The following ULK4 variants were observed in gnomAD, a reference collection of about 807,000 sequenced individuals.
The protein encoded by ULK4 is unc-51 like kinase 4, also known as inactive serine/threonine-protein kinase ULK4.
In ULK4, 133 loss-of-function variants were observed where a neutral mutation model predicts 160.6. That is an observed-to-expected ratio of 0.83 (90% confidence interval 0.72 to 0.96). The LOEUF is 0.96. ULK4 is among the 40% of genes least tolerant of loss of function. The pLI, the probability that ULK4 is intolerant of heterozygous loss-of-function variation, is 0.00. For synonymous variants in ULK4, 534 were observed against 539.8 expected (o/e 0.99, Z 0.15); for missense variants, 1,580 against 1,499.5 (o/e 1.05, Z -0.89).
At chr3:41,827,398 A>T (rs1226525055) in intron 18 of ULK4, among the ~76,000 whole-genome samples, 1 of 152,082 alleles carries the variant, frequency 6.6e-6, no homozygotes, top group Non-Finnish European at 1.5e-5. Context: ...GATCAACAAA[A>T]TTGATAGACC....
intron 35 of ULK4, among the ~76,000 whole-genome samples, chr3:41,305,633 G>A (rs1026184402): frequency 1.2e-4 from 19 of 152,164 alleles, no homozygotes; most frequent in Admixed American, 9.2e-4. Context: ...GCCTCTGCCC[G>A]GCTGCCACCC....
intron 25 of ULK4, among the ~76,000 whole-genome samples, chr3:41,709,446 G>A (rs887085250): frequency 1.3e-5 from 2 of 152,168 alleles, no homozygotes; most frequent in African/African-American, 4.8e-5. Context: ...GAGTGCACTG[G>A]CATGATCTCG....
intron 17 of ULK4, chr3:41,859,303 C>G (rs745527734): frequency 1.2e-5 from 7 of 572,358 alleles, no homozygotes; most frequent in Non-Finnish European, 2.4e-5. Flanking sequence ...AAGGCATTCT[C>G]TCCTCGTGAC....
chr3:41,747,679 G>T (rs1333559382), intron 22 of ULK4, among the ~76,000 whole-genome samples: 1 of 151,904 alleles, frequency 6.6e-6, no homozygotes, highest in African/African-American at 2.4e-5. Flanking sequence ...GACACCATGT[G>T]GGGGGGCACC....
intron 32 of ULK4, among the ~76,000 whole-genome samples, chr3:41,514,253 G>C (rs751367365): frequency 6.6e-6 from 1 of 152,136 alleles, no homozygotes; most frequent in Admixed American, 6.5e-5. Flanking sequence ...AAAATAAACA[G>C]CCTTTTTGGG....
At chr3:41,433,448 C>A (rs1222898544) in intron 34 of ULK4, among the ~76,000 whole-genome samples, 1 of 152,166 alleles carries the variant, frequency 6.6e-6, no homozygotes, top group Non-Finnish European at 1.5e-5. Flanking sequence ...AATTCACAAC[C>A]TTTTACCTAG....
intron 35 of ULK4, among the ~76,000 whole-genome samples, chr3:41,287,470 A>G (rs943371304): frequency 1.3e-5 from 2 of 152,166 alleles, no homozygotes; most frequent in African/African-American, 4.8e-5. Context: ...GCTTATCTTC[A>G]TATTGATTTT....
intron 3 of ULK4, chr3:41,936,997 G>A (rs1445888626): frequency 4.1e-6 from 1 of 244,130 alleles, no homozygotes; most frequent in Non-Finnish European, 7.8e-6. Flanking sequence ...CTGCATGCCT[G>A]TACCAACTAT....
At chr3:41,913,014 AATC>A (rs1171345307) in intron 8 of ULK4, 115 bp from the exon 9 acceptor site, 1 of 786,524 alleles carries the variant, frequency 1.3e-6, no homozygotes, top group African/African-American at 1.7e-5. Flanking sequence ...GTACCTTTGA[AATC>A]ATTTTATATT....
At chr3:41,756,316 T>C (rs1258140389) in intron 21 of ULK4, among the ~76,000 whole-genome samples, 1 of 152,202 alleles carries the variant, frequency 6.6e-6, no homozygotes, top group Non-Finnish European at 1.5e-5. Flanking sequence ...ATTCCATCTA[T>C]TCTACAAATT....
At chr3:41,389,613 G>C (rs1029507702) in intron 35 of ULK4, among the ~76,000 whole-genome samples, 1 of 152,122 alleles carries the variant, frequency 6.6e-6, no homozygotes, top group East Asian at 1.9e-4. Context: ...GGCCTTTTCT[G>C]CATCTATTGA....
At chr3:41,698,396 C>T (rs900421308) in intron 27 of ULK4, among the ~76,000 whole-genome samples, 16 of 152,158 alleles carry the variant, frequency 1.1e-4, no homozygotes, top group African/African-American at 3.4e-4. Flanking sequence ...CAAGTAGCTG[C>T]GACTATAGGA....
At chr3:41,952,356 A>G (rs1390887083) in intron 2 of ULK4, among the ~76,000 whole-genome samples, 1 of 152,244 alleles carries the variant, frequency 6.6e-6, no homozygotes, top group Non-Finnish European at 1.5e-5. Context: ...ACTCAGCAAG[A>G]AAACAACCAA....
chr3:41,664,233 T>A (rs942493129), intron 29 of ULK4, among the ~76,000 whole-genome samples: 2 of 152,178 alleles, frequency 1.3e-5, no homozygotes, highest in Non-Finnish European at 2.9e-5. Context: ...GCATCTGTGT[T>A]GAAGGTCTCC....
chr3:41,841,100 G>A (rs1409373447), intron 17 of ULK4, among the ~76,000 whole-genome samples: 2 of 139,796 alleles, frequency 1.4e-5, no homozygotes, highest in Admixed American at 7.1e-5. Context: ...CTGCCCAGCC[G>A]CCACCCGTCT....
intron 30 of ULK4, among the ~76,000 whole-genome samples, chr3:41,640,962 T>C (rs558693888): frequency 2.0e-5 from 3 of 152,348 alleles, no homozygotes; most frequent in South Asian, 2.1e-4. Context: ...CTATCCTTCA[T>C]TCCCATTCAT....
intron 29 of ULK4, 88 bp from the exon 30 acceptor site, chr3:41,663,787 G>A: frequency 1.9e-6 from 2 of 1,072,978 alleles, no homozygotes; most frequent in South Asian, 1.3e-5. Flanking sequence ...TATCAATTTA[G>A]CTTAAGACAG....
At chr3:41,473,244 A>C (rs1272980210) in intron 32 of ULK4, among the ~76,000 whole-genome samples, 2 of 152,236 alleles carry the variant, frequency 1.3e-5, no homozygotes, top group Non-Finnish European at 2.9e-5. Flanking sequence ...TTACCAGAGT[A>C]ATTAGGCAAG....
At chr3:41,921,602 G>A (rs576058139) in intron 5 of ULK4, among the ~76,000 whole-genome samples, 11 of 151,760 alleles carry the variant, frequency 7.2e-5, no homozygotes, top group South Asian at 4.2e-4. Context: ...ACAACAGAGC[G>A]AGACTCCGTC....
Sources: allele counts gnomAD v4.1 joint callset (sites outside exome capture counted in the v4.1 genomes callset), GRCh38; gene constraint gnomAD v4.1.1; transcripts MANE v1.5; gene names NCBI Gene and HGNC (gene_info 2026-07-23, HGNC 2026-07-21).